NECTIN3: variants seen among roughly 807,000 people sequenced by gnomAD.
The protein encoded by NECTIN3 is nectin cell adhesion molecule 3, also known as nectin-3.
Under a neutral mutation model 49.4 loss-of-function variants are expected in NECTIN3, and 8 were observed. That is an observed-to-expected ratio of 0.16 (90% CI 0.10 to 0.29). The LOEUF (loss-of-function observed/expected upper bound fraction) is 0.29, where lower values mean the gene tolerates loss of function less well. NECTIN3 is among the 10% of genes least tolerant of loss of function. The pLI, the probability that NECTIN3 is intolerant of heterozygous loss-of-function variation, is 1.00. For missense variants in NECTIN3, 581 were observed against 654.6 expected (o/e 0.89, Z 1.23); for synonymous variants, 277 against 241.1 (o/e 1.15, Z -1.38).
intron 7 of NECTIN3, among the ~76,000 whole-genome samples, chr3:111,174,479 C>T (rs1019573549): frequency 6.6e-6 from 1 of 152,104 alleles, no homozygotes; most frequent in African/African-American, 2.4e-5. Context: ...GAATATGTAC[C>T]TATCACTTTT....
chr3:111,192,698 CAA>C (rs1196336923), intron 1 of NECTIN3, among the ~76,000 whole-genome samples: 1 of 152,112 alleles, frequency 6.6e-6, no homozygotes, highest in Non-Finnish European at 1.5e-5. Flanking sequence ...AAGGTCAAGA[CAA>C]GAGGATATTT....
intron 2 of NECTIN3, among the ~76,000 whole-genome samples, chr3:111,115,849 T>A (rs909146606): frequency 6.6e-6 from 1 of 152,222 alleles, no homozygotes; most frequent in Admixed American, 6.5e-5. Context: ...ACTGATTGGA[T>A]ATAAGAAGTA....
At chr3:111,173,604 C>G (rs1411179715) in intron 7 of NECTIN3, among the ~76,000 whole-genome samples, 4 of 152,102 alleles carry the variant, frequency 2.6e-5, no homozygotes, top group Non-Finnish European at 4.4e-5. Context: ...AGCTGGTATT[C>G]CTTTCTCCTT....
intron 1 of NECTIN3, among the ~76,000 whole-genome samples, chr3:111,108,579 C>T (rs1451084340): frequency 1.3e-5 from 2 of 152,028 alleles, no homozygotes; most frequent in Non-Finnish European, 2.9e-5. Context: ...ATACCTGATA[C>T]TTGGTAATTT....
At position 111,135,764 on chromosome 3, in the gene NECTIN3, A is replaced by T. The variant is rs1247849071; in HGVS notation, c.*1549A>T. 5 of 959,106 alleles carry T rather than the reference A, an allele frequency of 5.2e-6. No homozygotes were observed. The highest frequency in any genetic ancestry group is 6.2e-6 in the Non-Finnish European group (5 of 806,234). The allele number at this position is 959,106 out of a possible 1,614,324, so 59.4% of individuals were successfully genotyped here. A position where few individuals can be genotyped will look rare whatever the true frequency, so the allele number is the denominator to read the frequency against. On this transcript the variant is annotated 3_prime_UTR_variant, in exon 6 of 6. Coordinates refer to ENST00000485303, the MANE Select transcript of NECTIN3 (RefSeq NM_015480.3). ...TAGGGGGCAAAATTCTAACATGTTC[A>T]TGGTATCTTGCAAATAGTGAAAGCT...
chr3:111,131,893 T>C (rs1415443499), intron 5 of NECTIN3, among the ~76,000 whole-genome samples: 1 of 151,886 alleles, frequency 6.6e-6, no homozygotes, highest in East Asian at 1.9e-4. Flanking sequence ...TTAGATGATT[T>C]TTACTTTAAT....
At chr3:111,171,473 A>G (rs1559817688) in intron 7 of NECTIN3, among the ~76,000 whole-genome samples, 1 of 152,224 alleles carries the variant, frequency 6.6e-6, no homozygotes, top group Non-Finnish European at 1.5e-5. Flanking sequence ...GCTACTTCTC[A>G]TTCATCAGTT....
intron 2 of NECTIN3, among the ~76,000 whole-genome samples, chr3:111,116,354 G>C (rs113739493): frequency 1.3e-5 from 2 of 152,092 alleles, no homozygotes; most frequent in African/African-American, 4.8e-5. Context: ...TTTCTCCTAA[G>C]GACAGCACTT....
intron 1 of NECTIN3, among the ~76,000 whole-genome samples, chr3:111,087,460 C>T (rs1371462965): frequency 1.3e-5 from 2 of 152,072 alleles, no homozygotes; most frequent in Non-Finnish European, 2.9e-5. Context: ...CAAGACCAGC[C>T]TGGCCAACAT....
At chr3:111,165,879 T>G (rs562941129) in intron 7 of NECTIN3, among the ~76,000 whole-genome samples, 3 of 152,314 alleles carry the variant, frequency 2.0e-5, no homozygotes, top group Non-Finnish European at 4.4e-5. Flanking sequence ...AAAAGAGAGA[T>G]AGCTGAATTC....
chr3:111,129,639 C>T (rs1426289344), intron 5 of NECTIN3, among the ~76,000 whole-genome samples: 3 of 151,416 alleles, frequency 2.0e-5, no homozygotes, highest in Non-Finnish European at 4.4e-5. Context: ...GAAGAAGTGG[C>T]GTTATATGAG....
intron 6 of NECTIN3, among the ~76,000 whole-genome samples, chr3:111,146,444 A>C (rs1215802790): frequency 1.3e-5 from 2 of 152,016 alleles, no homozygotes; most frequent in African/African-American, 4.8e-5. Flanking sequence ...AAAAAAAAAA[A>C]AAAAAAAAGA....
chr3:111,164,699 C>T (rs1283687420), intron 7 of NECTIN3, among the ~76,000 whole-genome samples: 1 of 152,222 alleles, frequency 6.6e-6, no homozygotes, highest in Non-Finnish European at 1.5e-5. Context: ...TTCTTCCTCT[C>T]TATAACTACA....
At chr3:111,087,180 G>A (rs537766485) in intron 1 of NECTIN3, among the ~76,000 whole-genome samples, 1 of 152,052 alleles carries the variant, frequency 6.6e-6, no homozygotes, top group East Asian at 1.9e-4. Flanking sequence ...TATGATGAAG[G>A]CCTGTTTCTC....
Position 111,112,124 on chromosome 3 carries a change from C to T in NECTIN3, c.255C>T (p.Thr85=). ...AGTGTTTAATTGAAGTAAATGAAAC[C>T]ATAACACAGATTTCATGGGAGAAGA... is the stretch of plus-strand genomic sequence containing the variant. The part of the protein sequence containing the change: ...SLKCLIEVNE[T]ITQISWEKIH... Residue 85 remains threonine (T), a synonymous_variant, in exon 2 of 6, where the codon ACC becomes ACT. Transcript: ENST00000485303. The T allele has an allele frequency of 6.2e-7, 1 of 1,613,506 alleles. No homozygotes were observed.
chr3:111,110,262 T>C (rs1410847494), intron 1 of NECTIN3, among the ~76,000 whole-genome samples: 2 of 152,028 alleles, frequency 1.3e-5, no homozygotes, highest in Non-Finnish European at 2.9e-5. Context: ...TGGTCTTTTT[T>C]TAATACCCAT....
At position 111,118,599 on chromosome 3, in the gene NECTIN3, A is replaced by C. The variant is rs1402297943; in HGVS notation, c.503-57A>C. The C allele has an allele frequency of 2.9e-6, 4 of 1,394,940 alleles. No homozygotes were observed. In the East Asian group the frequency reaches 1.0e-4, roughly 35 times the overall value. The allele number at this position is 1,394,940 out of a possible 1,614,324, so 86.4% of individuals were successfully genotyped here. ...AAATATGTTTAGATGTGACTTGGAAAGATATAAACATATTCTTGTTTGAAT... is the reference window on the plus strand; with the variant it reads ...AAATATGTTTAGATGTGACTTGGAACGATATAAACATATTCTTGTTTGAAT... On this transcript the variant is annotated intron_variant, in intron 2 of 5. Coordinates refer to ENST00000485303, the MANE Select transcript of NECTIN3 (RefSeq NM_015480.3).
chr3:111,081,934 G>T (rs1031797925), intron 1 of NECTIN3, among the ~76,000 whole-genome samples: 1 of 152,208 alleles, frequency 6.6e-6, no homozygotes, highest in African/African-American at 2.4e-5. Context: ...GTCCATCCAT[G>T]ACTTGATAGA....
chr3:111,122,099 C>T, intron 3 of NECTIN3, 22 bp from the exon 4 acceptor site: 1 of 1,433,704 alleles, frequency 7.0e-7, no homozygotes. Context: ...GTAATCTGTC[C>T]TGTCATGCAT....
Sources: gnomAD v4.1 joint callset for allele counts (sites outside exome capture counted in the v4.1 genomes callset) on GRCh38, gnomAD v4.1.1 for gene constraint, MANE v1.5 for transcripts, NCBI Gene and HGNC (gene_info 2026-07-23, HGNC 2026-07-21) for gene names.